Variants in KCND2 observed in about 807,000 individuals in gnomAD.
The protein encoded by KCND2 is potassium voltage-gated channel subfamily D member 2.
In KCND2, 16 loss-of-function variants were observed where a neutral mutation model predicts 54.4. The ratio of observed to expected loss-of-function variants is 0.29; its 90% CI spans 0.20 to 0.45. The LOEUF (loss-of-function observed/expected upper bound fraction) is 0.45. KCND2 is among the 20% of genes least tolerant of loss of function. The pLI is 1.00. For missense variants in KCND2, 486 were observed against 824.2 expected (o/e 0.59, Z 5.02); for synonymous variants, 317 against 310.7 (o/e 1.02, Z -0.21).
intron 1 of KCND2, among the ~76,000 whole-genome samples, chr7:120,347,742 T>C (rs1320615264): frequency 6.7e-6 from 1 of 148,818 alleles, no homozygotes; most frequent in Non-Finnish European, 1.5e-5. Flanking sequence ...GGGCAAAAAA[T>C]GTGAAACTCT....
chr7:120,532,126 T>C (rs1791850167), intron 1 of KCND2, among the ~76,000 whole-genome samples: 1 of 152,100 alleles, frequency 6.6e-6, no homozygotes, highest in Admixed American at 6.6e-5. Context: ...TCTAGCTGAA[T>C]GTATGCAATA....
chr7:120,608,230 T>A (rs529631366), intron 1 of KCND2, among the ~76,000 whole-genome samples: 41 of 152,196 alleles, frequency 2.7e-4, no homozygotes, highest in Non-Finnish European at 4.9e-4. Flanking sequence ...GATGGCAGGA[T>A]GAAAAAATGA....
chr7:120,613,382 T>G (rs1792980702), intron 1 of KCND2, among the ~76,000 whole-genome samples: 1 of 151,994 alleles, frequency 6.6e-6, no homozygotes, highest in Non-Finnish European at 1.5e-5. Context: ...AATACAAACA[T>G]TAGCTGGGTG....
At chr7:120,362,249 C>T (rs1022261945) in intron 1 of KCND2, among the ~76,000 whole-genome samples, 4 of 152,072 alleles carry the variant, frequency 2.6e-5, no homozygotes, top group African/African-American at 9.7e-5. Context: ...GTAATGTCAT[C>T]ATTTTTATAT....
chr7:120,654,229 C>G (rs143909718), intron 1 of KCND2, among the ~76,000 whole-genome samples: 1 of 151,900 alleles, frequency 6.6e-6, no homozygotes, highest in Admixed American at 6.6e-5. Context: ...TTGATACTGT[C>G]AATGAGAAAA....
At chr7:120,637,628 G>C (rs1421030026) in intron 1 of KCND2, among the ~76,000 whole-genome samples, 1 of 152,022 alleles carries the variant, frequency 6.6e-6, no homozygotes, top group Non-Finnish European at 1.5e-5. Context: ...AGCCATTCCA[G>C]TGCCTATTCT....
intron 1 of KCND2, among the ~76,000 whole-genome samples, chr7:120,461,794 C>G (rs1311031173): frequency 1.3e-5 from 2 of 152,014 alleles, no homozygotes; most frequent in African/African-American, 2.4e-5. Flanking sequence ...GCTTGTGTCA[C>G]CTTTCTAAAA....
At chr7:120,339,523 G>C (rs1204655403) in intron 1 of KCND2, among the ~76,000 whole-genome samples, 1 of 149,710 alleles carries the variant, frequency 6.7e-6, no homozygotes, top group Non-Finnish European at 1.5e-5. Context: ...GTGTGTGTGT[G>C]TGTGTGTGTG....
chr7:120,688,977 G>T (rs549604520), intron 1 of KCND2, among the ~76,000 whole-genome samples: 1 of 152,096 alleles, frequency 6.6e-6, no homozygotes, highest in Non-Finnish European at 1.5e-5. Flanking sequence ...TAACTCTGAT[G>T]GATTCAAAAG....
intron 1 of KCND2, among the ~76,000 whole-genome samples, chr7:120,629,023 G>A (rs533493578): frequency 6.6e-6 from 1 of 152,244 alleles, no homozygotes; most frequent in Non-Finnish European, 1.5e-5. Context: ...AAAAATGTAC[G>A]AGGTAAGGGG....
chr7:120,320,685 G>T (rs1370556058), intron 1 of KCND2, among the ~76,000 whole-genome samples: 1 of 152,132 alleles, frequency 6.6e-6, no homozygotes, highest in Non-Finnish European at 1.5e-5. Flanking sequence ...GGAAGAAAAT[G>T]AGAGTGAAGA....
At chr7:120,651,403 G>A (rs1176032236) in intron 1 of KCND2, among the ~76,000 whole-genome samples, 1 of 152,156 alleles carries the variant, frequency 6.6e-6, no homozygotes, top group Non-Finnish European at 1.5e-5. Context: ...ATGGGCGTGG[G>A]ACTCTCCCAG....
At chr7:120,457,732 G>C (rs1243383958) in intron 1 of KCND2, among the ~76,000 whole-genome samples, 1 of 152,072 alleles carries the variant, frequency 6.6e-6, no homozygotes, top group Non-Finnish European at 1.5e-5. Context: ...CTTTTTCTGA[G>C]CCCTCCAGAC....
At chr7:120,343,869 G>T (rs1256938153) in intron 1 of KCND2, among the ~76,000 whole-genome samples, 1 of 152,140 alleles carries the variant, frequency 6.6e-6, no homozygotes, top group Non-Finnish European at 1.5e-5. Flanking sequence ...ATGTGCACTT[G>T]CAAATGAGCC....
At chr7:120,517,640 A>G in intron 1 of KCND2, among the ~76,000 whole-genome samples, 1 of 152,188 alleles carries the variant, frequency 6.6e-6, no homozygotes, top group East Asian at 1.9e-4. Flanking sequence ...TAAAAATATT[A>G]GTAGACCAAC....
chr7:120,453,841 C>T (rs1175762747), intron 1 of KCND2, among the ~76,000 whole-genome samples: 1 of 152,218 alleles, frequency 6.6e-6, no homozygotes, highest in African/African-American at 2.4e-5. Flanking sequence ...AATCCCAGCA[C>T]TTTGGGAGGC....
chr7:120,558,600 A>G (rs905448575), intron 1 of KCND2, among the ~76,000 whole-genome samples: 1 of 152,160 alleles, frequency 6.6e-6, no homozygotes, highest in Non-Finnish European at 1.5e-5. Flanking sequence ...GTTTCTTATA[A>G]TATCTTCATT....
At chr7:120,578,567 A>G (rs190876277) in intron 1 of KCND2, among the ~76,000 whole-genome samples, 6 of 152,218 alleles carry the variant, frequency 3.9e-5, no homozygotes, top group African/African-American at 1.4e-4. Context: ...TCCTTTGTCT[A>G]CTAAAAATAC....
chr7:120,601,845 A>T (rs982658912), intron 1 of KCND2, among the ~76,000 whole-genome samples: 9 of 152,222 alleles, frequency 5.9e-5, no homozygotes, highest in Admixed American at 2.0e-4. Flanking sequence ...ATCCCTTAGA[A>T]TATATAACCC....
Sources: allele counts gnomAD v4.1 joint callset (sites outside exome capture counted in the v4.1 genomes callset), GRCh38; gene constraint gnomAD v4.1.1; transcripts MANE v1.5; gene names NCBI Gene and HGNC (gene_info 2026-07-23, HGNC 2026-07-21).